KIFAP3: variants seen among roughly 807,000 people sequenced by gnomAD.
KIFAP3 encodes kinesin-associated protein 3.
In KIFAP3, 68 loss-of-function variants were observed where a neutral mutation model predicts 106.5. That is an observed-to-expected ratio of 0.64 (90% CI 0.53 to 0.78). The LOEUF is 0.78. Ranked by LOEUF, KIFAP3 falls within the 30% of genes least tolerant of loss-of-function variation. The probability of loss-of-function intolerance (pLI) is 0.00; values close to 1 mark genes in which losing one functional copy is unlikely to be tolerated. For synonymous variants in KIFAP3, 320 were observed against 311.5 expected (o/e 1.03, Z -0.29); for missense variants, 780 against 941.8 (o/e 0.83, Z 2.25).
At chr1:169,940,035 C>T (rs1002504457) in intron 19 of KIFAP3, among the ~76,000 whole-genome samples, 1 of 151,996 alleles carries the variant, frequency 6.6e-6, no homozygotes, top group African/African-American at 2.4e-5. Context: ...CAGGAATGAT[C>T]CAGTAAAGGG....
chr1:170,036,131 TAGGTTAATA>T (rs1022580113), intron 5 of KIFAP3, among the ~76,000 whole-genome samples: 1 of 152,064 alleles, frequency 6.6e-6, no homozygotes, highest in African/African-American at 2.4e-5. Flanking sequence ...AACTTTCAGG[TAGGTTAATA>T]AGCATTTCTG....
chr1:170,073,745 G>A (rs1293542270), intron 1 of KIFAP3, among the ~76,000 whole-genome samples: 1 of 151,480 alleles, frequency 6.6e-6, no homozygotes. Flanking sequence ...CTGAGTATTT[G>A]CCAGCACCCA....
intron 10 of KIFAP3, 103 bp downstream of exon 10, chr1:170,016,359 G>T: frequency 1.2e-6 from 1 of 852,044 alleles, no homozygotes; most frequent in South Asian, 1.7e-5. Context: ...AAAGAATATA[G>T]ACAGAATGCT....
At chr1:170,065,214 T>G (rs529258680) in intron 1 of KIFAP3, among the ~76,000 whole-genome samples, 53 of 152,342 alleles carry the variant, frequency 3.5e-4, no homozygotes, top group African/African-American at 1.2e-3. Context: ...TTATGCTTAC[T>G]GTTTGATTGC....
Position 169,996,001 on chromosome 1 carries a change from A to G in KIFAP3, c.1184-3746T>C, listed in dbSNP as rs185744934. Among the ~76,000 whole-genome samples the G allele has an allele frequency of 2.4e-3, 370 of 152,198 alleles. 2 individuals are homozygous for G. Among genetic ancestry groups the G allele is most frequent in the African/African-American group, 8.6e-3 (359 of 41,542 alleles). ...AGAAAGTACAGAGAAGAGTCCAAAAATTATAATAATTTCTACTGGCAGATG... is the reference window on the plus strand; with the variant it reads ...AGAAAGTACAGAGAAGAGTCCAAAAGTTATAATAATTTCTACTGGCAGATG... On this transcript the variant is annotated intron_variant, in intron 10 of 19. Transcript: ENST00000361580.
intron 1 of KIFAP3, among the ~76,000 whole-genome samples, chr1:170,060,659 A>G (rs1671098434): frequency 6.6e-6 from 1 of 152,186 alleles, no homozygotes; most frequent in Non-Finnish European, 1.5e-5. Flanking sequence ...GGAAAAAATT[A>G]CTTTAAAGTT....
chr1:170,064,738 A>T (rs912452084), intron 1 of KIFAP3, among the ~76,000 whole-genome samples: 4 of 152,234 alleles, frequency 2.6e-5, no homozygotes, highest in Admixed American at 6.5e-5. Flanking sequence ...TGTGTAGTGA[A>T]TGTCATCAAA....
chr1:169,945,305 G>C (rs769502091), intron 19 of KIFAP3, among the ~76,000 whole-genome samples: 1 of 152,176 alleles, frequency 6.6e-6, no homozygotes, highest in African/African-American at 2.4e-5. Context: ...GAACCTGCAG[G>C]GGCAGGGGGC....
intron 1 of KIFAP3, among the ~76,000 whole-genome samples, chr1:170,062,026 G>A (rs565821412): frequency 2.0e-5 from 3 of 152,134 alleles, no homozygotes; most frequent in South Asian, 2.1e-4. Context: ...GGTGGGGAGA[G>A]GGGGGAGGGA....
At chr1:169,950,510 C>A (rs1664674139) in intron 19 of KIFAP3, among the ~76,000 whole-genome samples, 1 of 152,048 alleles carries the variant, frequency 6.6e-6, no homozygotes, top group South Asian at 2.1e-4. Flanking sequence ...AGGAAAAACA[C>A]CCAACAACTC....
intron 19 of KIFAP3, among the ~76,000 whole-genome samples, chr1:169,942,956 C>T (rs201549340): frequency 7.9e-6 from 1 of 126,592 alleles, no homozygotes; most frequent in East Asian, 2.6e-4. Context: ...AAACTAATTT[C>T]TTTTGATTGA....
chr1:170,083,272 C>A (rs1023375719), intron 1 of KIFAP3, among the ~76,000 whole-genome samples: 4 of 152,168 alleles, frequency 2.6e-5, no homozygotes, highest in Non-Finnish European at 5.9e-5. Flanking sequence ...AGATAGAGAT[C>A]TCAGAAGCCA....
chr1:170,041,936 G>C, intron 3 of KIFAP3: 1 of 1,148,648 alleles, frequency 8.7e-7, no homozygotes, highest in South Asian at 2.3e-5. Context: ...TTTCGTTTCA[G>C]TTATGAAACC....
At chr1:170,081,500 T>G (rs1405892156) in intron 1 of KIFAP3, among the ~76,000 whole-genome samples, 1 of 152,220 alleles carries the variant, frequency 6.6e-6, no homozygotes, top group Non-Finnish European at 1.5e-5. Flanking sequence ...GGGCTTTACT[T>G]TTTTCTGGAT....
At chr1:169,944,109 C>T (rs557453373) in intron 19 of KIFAP3, among the ~76,000 whole-genome samples, 66 of 152,254 alleles carry the variant, frequency 4.3e-4, no homozygotes, top group Admixed American at 1.4e-3. Flanking sequence ...CCACTAGGCC[C>T]GATAGGCTGT....
intron 10 of KIFAP3, among the ~76,000 whole-genome samples, chr1:170,014,160 T>G (rs555020245): frequency 1.3e-5 from 2 of 152,160 alleles, no homozygotes; most frequent in African/African-American, 4.8e-5. Context: ...CTAATGTGAG[T>G]CCATCAAATA....
Position 170,031,986 on chromosome 1 carries a change from T to G in KIFAP3, c.743-2A>C. Reference sequence around the variant, plus strand: ...TTTGGTTTTCAGGGTCTTCATCAAGTAAACAACTTGTTAAGGATCATCCAT... The same window carrying G: ...TTTGGTTTTCAGGGTCTTCATCAAGGAAACAACTTGTTAAGGATCATCCAT... On this transcript the variant is annotated splice_acceptor_variant, in intron 7 of 19. Transcript: ENST00000361580. LOFTEE classifies it high-confidence loss of function. 1 of 1,583,920 alleles carries G rather than the reference T, an allele frequency of 6.3e-7. No individual in the cohort carries two copies. Among genetic ancestry groups the G allele is most frequent in the South Asian group, 1.1e-5 (1 of 89,566 alleles).
At chr1:170,047,991 G>A (rs967267267) in intron 2 of KIFAP3, among the ~76,000 whole-genome samples, 6 of 152,208 alleles carry the variant, frequency 3.9e-5, no homozygotes, top group African/African-American at 1.4e-4. Flanking sequence ...ATTATTTTGT[G>A]TTAAAGATGG....
rs181967273 is a variant in KIFAP3, at chr1:169,992,112, T to C, written c.1284+43A>G. ...TCAAGAGAAAAGAGTAAAAAATATATATATTTGTTAAATGTTTTTCATAAA... is the reference window on the plus strand; with the variant it reads ...TCAAGAGAAAAGAGTAAAAAATATACATATTTGTTAAATGTTTTTCATAAA... On this transcript the variant is annotated intron_variant, in intron 11 of 19. Transcript: ENST00000361580. 1.7e-5 allele frequency: 16 copies of C among 930,478 alleles called. No homozygotes were observed. In the African/African-American group the frequency reaches 2.1e-4, roughly 12 times the overall value. The allele number at this position is 930,478 out of a possible 1,614,324, so 57.6% of individuals were successfully genotyped here. A position where few individuals can be genotyped will look rare whatever the true frequency, so the allele number is the denominator to read the frequency against.
Sources: gnomAD v4.1 joint callset for allele counts (sites outside exome capture counted in the v4.1 genomes callset) on GRCh38, gnomAD v4.1.1 for gene constraint, MANE v1.5 for transcripts, NCBI Gene and HGNC (gene_info 2026-07-23, HGNC 2026-07-21) for gene names.